ARHGAP15: variants seen among roughly 807,000 people sequenced by gnomAD.
The protein encoded by ARHGAP15 is Rho GTPase activating protein 15.
In ARHGAP15, 51 loss-of-function variants were observed where a neutral mutation model predicts 63.7. That is an observed-to-expected ratio of 0.80 (90% CI 0.64 to 1.01). The LOEUF is 1.01. Ranked by LOEUF, ARHGAP15 falls within the 50% of genes least tolerant of loss-of-function variation. ARHGAP15 has a pLI of 0.00. For synonymous variants in ARHGAP15, 191 were observed against 193.8 expected, an observed-to-expected ratio of 0.99 and a Z score of 0.12; for missense variants, 560 against 564.6, an observed-to-expected ratio of 0.99 and a Z score of 0.08.
At chr2:143,136,116 T>A (rs1689126918) in intron 1 of ARHGAP15, among the ~76,000 whole-genome samples, 1 of 152,094 alleles carries the variant, frequency 6.6e-6, no homozygotes, top group Non-Finnish European at 1.5e-5. Context: ...ACCATATTAA[T>A]CTCTCTTTTC....
intron 12 of ARHGAP15, among the ~76,000 whole-genome samples, chr2:143,650,725 A>G (rs1419068568): frequency 6.6e-6 from 1 of 151,968 alleles, no homozygotes. Context: ...TGTGGTACGT[A>G]CTGAAGATGA....
chr2:143,240,860 AT>A (rs1169874813), intron 5 of ARHGAP15, among the ~76,000 whole-genome samples: 3 of 152,172 alleles, frequency 2.0e-5, no homozygotes, highest in South Asian at 2.1e-4. Flanking sequence ...CTCTGGTTAT[AT>A]TTTTTTCTAG....
intron 11 of ARHGAP15, among the ~76,000 whole-genome samples, chr2:143,587,011 C>T (rs1185991309): frequency 1.3e-5 from 2 of 152,060 alleles, no homozygotes; most frequent in Non-Finnish European, 2.9e-5. Context: ...CTTCATGCAA[C>T]TTCCTCTTTG....
intron 6 of ARHGAP15, among the ~76,000 whole-genome samples, chr2:143,268,046 T>C (rs979819486): frequency 6.6e-6 from 1 of 152,096 alleles, no homozygotes; most frequent in Non-Finnish European, 1.5e-5. Context: ...TTTTTAATGC[T>C]CTAGATTTGT....
intron 6 of ARHGAP15, among the ~76,000 whole-genome samples, chr2:143,430,177 C>CTT (rs35690060): frequency 0.034 from 4,929 of 144,052 alleles, 254 homozygotes; most frequent in African/African-American, 0.11. Flanking sequence ...GCCAAAGTAA[C>CTT]TTTTTTTTTT....
intron 10 of ARHGAP15, among the ~76,000 whole-genome samples, chr2:143,545,587 ATG>A (rs1306594164): frequency 1.3e-5 from 2 of 152,000 alleles, no homozygotes; most frequent in Admixed American, 6.5e-5. Context: ...GTATTTGTGA[ATG>A]TGTGTGGCTT....
At chr2:143,143,438 G>A (rs970470783) in intron 1 of ARHGAP15, among the ~76,000 whole-genome samples, 1 of 151,858 alleles carries the variant, frequency 6.6e-6, no homozygotes, top group Admixed American at 6.6e-5. Context: ...ATGTGAACTG[G>A]CAAATATTTT....
chr2:143,432,780 A>G (rs2105082200), intron 6 of ARHGAP15, among the ~76,000 whole-genome samples: 1 of 152,198 alleles, frequency 6.6e-6, no homozygotes, highest in African/African-American at 2.4e-5. Context: ...CATTAAGGTT[A>G]CTTTGGTGCC....
At chr2:143,542,326 G>A (rs1035098360) in intron 10 of ARHGAP15, among the ~76,000 whole-genome samples, 6 of 152,114 alleles carry the variant, frequency 3.9e-5, no homozygotes, top group East Asian at 1.9e-4. Flanking sequence ...TGCACTTCCC[G>A]GGTGAGGCGA....
At chr2:143,459,200 A>T (rs1690805776) in intron 8 of ARHGAP15, among the ~76,000 whole-genome samples, 1 of 152,180 alleles carries the variant, frequency 6.6e-6, no homozygotes, top group Non-Finnish European at 1.5e-5. Context: ...GCAGTGGGGT[A>T]TAGGAAATAG....
chr2:143,217,269 C>T (rs889126438), intron 4 of ARHGAP15, among the ~76,000 whole-genome samples: 3 of 152,134 alleles, frequency 2.0e-5, no homozygotes, highest in Admixed American at 6.6e-5. Flanking sequence ...TCTGGGTCAA[C>T]ACCAGAGAAT....
intron 12 of ARHGAP15, among the ~76,000 whole-genome samples, chr2:143,637,215 G>A (rs942875145): frequency 6.6e-5 from 10 of 152,140 alleles, no homozygotes; most frequent in East Asian, 5.8e-4. Flanking sequence ...TCAGTGGACC[G>A]TTTTATTTGC....
intron 2 of ARHGAP15, among the ~76,000 whole-genome samples, chr2:143,182,702 T>C (rs964964251): frequency 1.3e-5 from 2 of 152,120 alleles, no homozygotes; most frequent in Non-Finnish European, 2.9e-5. Context: ...TGAAAGAAAC[T>C]CAGAGACATT....
chr2:143,141,500 G>A (rs1287683306), intron 1 of ARHGAP15, among the ~76,000 whole-genome samples: 4 of 152,028 alleles, frequency 2.6e-5, no homozygotes, highest in East Asian at 1.9e-4. Flanking sequence ...CCAATATAAG[G>A]CAGGATATAA....
chr2:143,134,219 C>T (rs953555454), intron 1 of ARHGAP15, among the ~76,000 whole-genome samples: 6 of 151,894 alleles, frequency 4.0e-5, no homozygotes, highest in Admixed American at 1.3e-4. Context: ...CACACATTTC[C>T]AGAAATAACA....
chr2:143,531,617 G>T (rs1169774707), intron 10 of ARHGAP15, among the ~76,000 whole-genome samples: 2 of 152,146 alleles, frequency 1.3e-5, no homozygotes, highest in Non-Finnish European at 2.9e-5. Context: ...AGAGTAAAAG[G>T]CCTAACCTGC....
At chr2:143,263,090 C>T (rs1219070061) in intron 6 of ARHGAP15, among the ~76,000 whole-genome samples, 3 of 152,130 alleles carry the variant, frequency 2.0e-5, no homozygotes, top group Non-Finnish European at 2.9e-5. Context: ...AAAACAGGAT[C>T]CTGTCTCCAA....
chr2:143,278,753 T>C (rs1450547009), intron 6 of ARHGAP15, among the ~76,000 whole-genome samples: 1 of 152,068 alleles, frequency 6.6e-6, no homozygotes, highest in Non-Finnish European at 1.5e-5. Context: ...TATAGTTTAA[T>C]AAAAATAACT....
At chr2:143,472,342 T>C (rs1321626093) in intron 8 of ARHGAP15, among the ~76,000 whole-genome samples, 1 of 152,116 alleles carries the variant, frequency 6.6e-6, no homozygotes, top group African/African-American at 2.4e-5. Context: ...ACCAGGGAGA[T>C]TTATACTACC....
Sources: gnomAD v4.1 joint callset for allele counts (sites outside exome capture counted in the v4.1 genomes callset) on GRCh38, gnomAD v4.1.1 for gene constraint, MANE v1.5 for transcripts, NCBI Gene and HGNC (gene_info 2026-07-23, HGNC 2026-07-21) for gene names.